Variants in NEK11 observed in about 807,000 individuals in gnomAD.
NEK11 encodes NIMA related kinase 11.
NEK11 carries 72 observed loss-of-function variants against 80.7 expected under a neutral mutation model. That is an observed-to-expected ratio of 0.89 (90% CI 0.74 to 1.08). The LOEUF is 1.08. Among genes scored for constraint, NEK11 ranks in the 50% least tolerant of loss-of-function variants. NEK11 has a pLI of 0.00. For synonymous variants in NEK11, 251 were observed against 260.7 expected (o/e 0.96, Z 0.36); for missense variants, 764 against 763.6 (o/e 1.00, Z -0.01).
At chr3:131,119,537 G>A (rs1267693726) in intron 5 of NEK11, among the ~76,000 whole-genome samples, 3 of 152,128 alleles carry the variant, frequency 2.0e-5, no homozygotes, top group African/African-American at 7.2e-5. Flanking sequence ...TTAACTTTCT[G>A]TCTTGTTGTT....
chr3:131,143,537 A>C (rs1354912106), intron 7 of NEK11, among the ~76,000 whole-genome samples: 2 of 151,932 alleles, frequency 1.3e-5, no homozygotes, highest in African/African-American at 4.8e-5. Flanking sequence ...CTCTGTTTTC[A>C]TATGTGGATT....
At chr3:131,203,647 TAC>T (rs200367128) in intron 14 of NEK11, among the ~76,000 whole-genome samples, 24,258 of 134,304 alleles carry the variant, frequency 0.18, 3,404 homozygotes, top group African/African-American at 0.31. Flanking sequence ...GATATTGTGA[TAC>T]ACACACACAC....
chr3:131,288,491 T>C lies in NEK11; in HGVS notation c.1718+14917T>C, dbSNP rs1353818330. 2.0e-5 allele frequency among the ~76,000 whole-genome samples: 3 copies of C among 148,978 alleles called. No homozygotes were observed. The East Asian group carries it at 5.9e-4, about 29-fold the overall frequency. On this transcript the variant is annotated intron_variant, in intron 17 of 17. Transcript: ENST00000383366. The stretch of plus-strand genomic sequence containing the variant: ...TTTTGAGACGGAGTTTCACTCTTGT[T>C]GCCCAGGCTGGAGTGCAATGGGGTG...
At chr3:131,285,443 G>C (rs2096458857) in intron 17 of NEK11, among the ~76,000 whole-genome samples, 1 of 152,218 alleles carries the variant, frequency 6.6e-6, no homozygotes, top group Non-Finnish European at 1.5e-5. Flanking sequence ...TGCAGGAAGG[G>C]CATGAGCCCT....
rs1030411795 is a variant in NEK11 at position 131,187,999 on chromosome 3, A to G, written c.1399+17112A>G. Among the ~76,000 whole-genome samples the G allele has an allele frequency of 4.6e-5, 7 of 152,300 alleles. No individual in the cohort carries two copies. In the East Asian group the frequency reaches 1.3e-3, roughly 29 times the overall value. On this transcript the variant is annotated intron_variant, in intron 14 of 17. Transcript: ENST00000383366. Reference sequence around the variant, plus strand: ...TGGTCAGGTAAAATAGCTAACAGTCATTAGTGACATCTAGGAGCAAATAAA... The same window carrying G: ...TGGTCAGGTAAAATAGCTAACAGTCGTTAGTGACATCTAGGAGCAAATAAA...
At chr3:131,311,606 G>T (rs922348061) in intron 17 of NEK11, among the ~76,000 whole-genome samples, 6 of 152,178 alleles carry the variant, frequency 3.9e-5, no homozygotes, top group African/African-American at 9.7e-5. Context: ...GAAGCACCTT[G>T]TTGTATTCTG....
intron 4 of NEK11, among the ~76,000 whole-genome samples, chr3:131,101,978 TTC>T (rs1438977213): frequency 6.6e-6 from 1 of 152,214 alleles, no homozygotes. Flanking sequence ...TGTAATGTCC[TTC>T]TGTGTTCTCC....
At chr3:131,194,896 G>A (rs2093937774) in intron 14 of NEK11, among the ~76,000 whole-genome samples, 1 of 152,074 alleles carries the variant, frequency 6.6e-6, no homozygotes, top group African/African-American at 2.4e-5. Flanking sequence ...TCCTACACTG[G>A]CTGTGTGATG....
chr3:131,269,751 AGCAGAG>A (rs2096142326), intron 16 of NEK11, among the ~76,000 whole-genome samples: 1 of 152,186 alleles, frequency 6.6e-6, no homozygotes, highest in African/African-American at 2.4e-5. Flanking sequence ...TTTTTCAGAA[AGCAGAG>A]CTTTAAGAAA....
At chr3:131,070,387 GAAC>G (rs1410023685) in intron 3 of NEK11, among the ~76,000 whole-genome samples, 1 of 152,130 alleles carries the variant, frequency 6.6e-6, no homozygotes, top group East Asian at 1.9e-4. Flanking sequence ...GTGGTACTTG[GAAC>G]AACCTCAAAA....
intron 3 of NEK11, among the ~76,000 whole-genome samples, chr3:131,052,306 A>G (rs942327165): frequency 6.6e-6 from 1 of 151,948 alleles, no homozygotes; most frequent in Non-Finnish European, 1.5e-5. Context: ...CATTTGAGTT[A>G]TATTAAATCT....
chr3:131,122,676 CAT>C (rs909889472), intron 5 of NEK11, among the ~76,000 whole-genome samples: 1 of 147,780 alleles, frequency 6.8e-6, no homozygotes, highest in African/African-American at 2.5e-5. Flanking sequence ...GGTTTCATAT[CAT>C]AAACTGTTCA....
rs150365954 is a variant in NEK11, at chr3:131,189,917, T to G, written c.1399+19030T>G. Among the ~76,000 whole-genome samples the G allele has an allele frequency of 2.6e-3, 403 of 152,310 alleles. 1 individual carries two copies. The highest frequency in any genetic ancestry group is 9.0e-3 in the African/African-American group (374 of 41,572). On this transcript the variant is annotated intron_variant, in intron 14 of 17. Transcript: ENST00000383366. ...TTACTACTATTTTACTAATTTTCAT[T>G]ATTGTTAAAGGCTTACAGAATATTT...
At chr3:131,349,027 T>C (rs2110595908) in intron 17 of NEK11, among the ~76,000 whole-genome samples, 1 of 152,300 alleles carries the variant, frequency 6.6e-6, no homozygotes, top group East Asian at 1.9e-4. Flanking sequence ...CCCTTTGTTC[T>C]ACTAACTCCA....
At chr3:131,068,860 TCAGTGTTTAAAC>T (rs373579774) in intron 3 of NEK11, among the ~76,000 whole-genome samples, 5 of 152,190 alleles carry the variant, frequency 3.3e-5, no homozygotes, top group African/African-American at 1.2e-4. Context: ...AGACCCAGAA[TCAGTGTTTAAAC>T]CCTCTAAGGG....
chr3:131,121,921 C>T (rs2082450715), intron 5 of NEK11, among the ~76,000 whole-genome samples: 1 of 152,206 alleles, frequency 6.6e-6, no homozygotes. Flanking sequence ...ATTCCCTGAC[C>T]CCTTGCACTT....
intron 3 of NEK11, among the ~76,000 whole-genome samples, chr3:131,034,401 T>C (rs1007116204): frequency 6.6e-6 from 1 of 152,212 alleles, no homozygotes; most frequent in Non-Finnish European, 1.5e-5. Flanking sequence ...TTAATACAAT[T>C]TAAATTTTTT....
intron 4 of NEK11, among the ~76,000 whole-genome samples, chr3:131,083,144 GC>G (rs1689894727): frequency 6.6e-6 from 1 of 152,206 alleles, no homozygotes. Context: ...GTTTTGACAA[GC>G]CTGCCAAATG....
At chr3:131,309,286 T>A (rs2096753603) in intron 17 of NEK11, among the ~76,000 whole-genome samples, 1 of 152,216 alleles carries the variant, frequency 6.6e-6, no homozygotes, top group Non-Finnish European at 1.5e-5. Flanking sequence ...TTAAAATTCA[T>A]TTTTCACATA....
Sources: allele counts gnomAD v4.1 joint callset (sites outside exome capture counted in the v4.1 genomes callset), GRCh38; gene constraint gnomAD v4.1.1; transcripts MANE v1.5; gene names NCBI Gene and HGNC (gene_info 2026-07-23, HGNC 2026-07-21).